GHR: variants seen among roughly 807,000 people sequenced by gnomAD.
GHR encodes growth hormone receptor.
GHR carries 35 observed loss-of-function variants against 67.1 expected under a neutral mutation model. That is an observed-to-expected ratio of 0.52 (90% CI 0.40 to 0.69). GHR has a LOEUF of 0.69. Among genes scored for constraint, GHR ranks in the 30% least tolerant of loss-of-function variants. The pLI, the probability that GHR is intolerant of heterozygous loss-of-function variation, is 0.00. For missense variants in GHR, 792 were observed against 764.6 expected (o/e 1.04, Z -0.42); for synonymous variants, 272 against 269.1 (o/e 1.01, Z -0.10).
At chr5:42,610,289 C>T (rs1232605647) in intron 2 of GHR, among the ~76,000 whole-genome samples, 1 of 152,152 alleles carries the variant, frequency 6.6e-6, no homozygotes, top group Non-Finnish European at 1.5e-5. Flanking sequence ...ATGTGAACCC[C>T]TCTAAGTCCT....
intron 1 of GHR, among the ~76,000 whole-genome samples, chr5:42,541,144 T>A (rs1489841641): frequency 2.0e-5 from 3 of 152,096 alleles, no homozygotes; most frequent in African/African-American, 7.2e-5. Context: ...AATATAGGAG[T>A]CAACCAAATC....
rs1223559373 is a variant in GHR at position 42,640,277 on chromosome 5, G to A, written c.136+11174G>A. On this transcript the variant is annotated intron_variant, in intron 3 of 9. Transcript: ENST00000230882. ...GAACCATGAGTTGTCTCTTAAGTAT[G>A]ACCTAACATACTGCTAATACCCCAC... Among the ~76,000 whole-genome samples, 4 of 152,094 alleles carry A rather than the reference G, an allele frequency of 2.6e-5. No homozygotes were observed. The East Asian group carries it at 7.7e-4, about 29-fold the overall frequency.
intron 1 of GHR, among the ~76,000 whole-genome samples, chr5:42,445,206 A>G (rs565114810): frequency 2.5e-4 from 38 of 152,350 alleles, no homozygotes; most frequent in African/African-American, 9.1e-4. Flanking sequence ...TTAGTAATAG[A>G]TGGATTTATT....
At chr5:42,643,297 A>G (rs1196163947) in intron 3 of GHR, among the ~76,000 whole-genome samples, 3 of 152,210 alleles carry the variant, frequency 2.0e-5, no homozygotes, top group Non-Finnish European at 2.9e-5. Context: ...AGAGGCTCTC[A>G]TCTGTTTGTG....
At chr5:42,485,123 T>C (rs1026660056) in intron 1 of GHR, among the ~76,000 whole-genome samples, 5 of 152,210 alleles carry the variant, frequency 3.3e-5, no homozygotes, top group Admixed American at 2.0e-4. Flanking sequence ...CTGTTGAGCA[T>C]TGTTTGAAAA....
chr5:42,689,273 G>T (rs1757308964), intron 4 of GHR, among the ~76,000 whole-genome samples: 1 of 152,142 alleles, frequency 6.6e-6, no homozygotes, highest in East Asian at 1.9e-4. Context: ...TTCCAATGCA[G>T]GGAGACAGGC....
intron 6 of GHR, among the ~76,000 whole-genome samples, chr5:42,710,590 C>T (rs1758407188): frequency 6.6e-6 from 1 of 151,912 alleles, no homozygotes; most frequent in Admixed American, 6.6e-5. Flanking sequence ...CTTTTCTTTG[C>T]AGATTTTAAA....
At chr5:42,695,592 T>G (rs1221174616) in intron 5 of GHR, among the ~76,000 whole-genome samples, 1 of 152,178 alleles carries the variant, frequency 6.6e-6, no homozygotes. Context: ...AAAGACATGT[T>G]TATTAGATCT....
chr5:42,540,759 AC>A (rs554741948), intron 1 of GHR, among the ~76,000 whole-genome samples: 13 of 151,158 alleles, frequency 8.6e-5, no homozygotes, highest in Middle Eastern at 3.4e-3. Context: ...TGCAACAACC[AC>A]AAACTACATT....
chr5:42,557,948 C>G (rs1335006392), intron 1 of GHR, among the ~76,000 whole-genome samples: 2 of 152,180 alleles, frequency 1.3e-5, no homozygotes, highest in East Asian at 1.9e-4. Context: ...CCAGTTTGTG[C>G]TGGGTTCAGC....
At chr5:42,515,761 G>A (rs149495940) in intron 1 of GHR, among the ~76,000 whole-genome samples, 29 of 152,298 alleles carry the variant, frequency 1.9e-4, no homozygotes, top group African/African-American at 7.0e-4. Flanking sequence ...TAACCAGGAA[G>A]AATAAAATAG....
chr5:42,697,980 C>T (rs982774269), intron 5 of GHR, among the ~76,000 whole-genome samples: 3 of 151,864 alleles, frequency 2.0e-5, no homozygotes, highest in Non-Finnish European at 2.9e-5. Flanking sequence ...GTACAGCTGA[C>T]GGAATGTGGA....
intron 3 of GHR, among the ~76,000 whole-genome samples, chr5:42,635,353 G>T (rs985086281): frequency 6.6e-6 from 1 of 152,150 alleles, no homozygotes; most frequent in Non-Finnish European, 1.5e-5. Context: ...AGAAATGGAG[G>T]TACAGAGAAA....
intron 1 of GHR, among the ~76,000 whole-genome samples, chr5:42,477,643 G>A (rs1314667394): frequency 3.9e-5 from 6 of 152,162 alleles, no homozygotes; most frequent in African/African-American, 1.2e-4. Context: ...GTGATGATGA[G>A]CATTTTTTCA....
At chr5:42,468,179 C>T (rs1015435546) in intron 1 of GHR, 1 of 1,396,002 alleles carries the variant, frequency 7.2e-7, no homozygotes, top group Admixed American at 1.7e-5. Flanking sequence ...CGAAACTCCC[C>T]TGGGGCCCAG....
chr5:42,424,762 A>T lies in GHR; in HGVS notation c.-12+807A>T, dbSNP rs574970181. ...GCTGGCGGCGCAGAGGGTGCGGGGC[A>T]GGGCACTTGCGAGTGCGTGGGGAAG... On this transcript the variant is annotated intron_variant, in intron 1 of 9. Coordinates refer to ENST00000230882, the MANE Select transcript of GHR (RefSeq NM_000163.5). This position sits in a 1 kb window ranked among gnomAD's most constrained non-coding sequence, Gnocchi z 4.1. Among the ~76,000 whole-genome samples, 15 of 152,320 alleles carry T rather than the reference A, an allele frequency of 9.8e-5. No homozygotes were observed. The highest frequency in any genetic ancestry group is 3.6e-4 in the African/African-American group (15 of 41,586).
intron 6 of GHR, among the ~76,000 whole-genome samples, chr5:42,708,479 T>G (rs1758290329): frequency 6.6e-6 from 1 of 152,184 alleles, no homozygotes; most frequent in Non-Finnish European, 1.5e-5. Context: ...AATCAATTTA[T>G]TATTTTCAGT....
At chr5:42,698,063 G>A (rs184829523) in intron 5 of GHR, among the ~76,000 whole-genome samples, 224 of 152,268 alleles carry the variant, frequency 1.5e-3, no homozygotes, top group African/African-American at 4.9e-3. Flanking sequence ...TTGAGTCCTC[G>A]TTAACAGAGA....
chr5:42,534,505 CATATGTATATGTGTAT>C lies in GHR; in HGVS notation c.-11-31350_-11-31335del, dbSNP rs1561103114. Among the ~76,000 whole-genome samples, 348 of 141,370 alleles carry C rather than the reference CATATGTATATGTGTAT, an allele frequency of 2.5e-3. 4 individuals carry two copies. The highest frequency in any genetic ancestry group is 9.6e-3 in the African/African-American group (332 of 34,700). 92.7% of individuals were successfully genotyped at this position (141,370 alleles called of 152,430 possible). On this transcript the variant is annotated intron_variant, in intron 1 of 9. Coordinates refer to ENST00000230882, the MANE Select transcript of GHR (RefSeq NM_000163.5). ...GTGTATATATGTATGTATATATGTA[CATATGTATATGTGTAT>C]ATATGTATGTATATATACTATAGTT... is the stretch of plus-strand genomic sequence containing the variant.
Sources: gnomAD v4.1 joint callset for allele counts (sites outside exome capture counted in the v4.1 genomes callset) on GRCh38, gnomAD v4.1.1 for gene constraint, Gnocchi (gnomAD v3.1) non-coding constraint, MANE v1.5 for transcripts, NCBI Gene and HGNC (gene_info 2026-07-23, HGNC 2026-07-21) for gene names.